The following FBH1 variants were observed in gnomAD, a reference collection of about 807,000 sequenced individuals.
FBH1 encodes DNA 3'-5' helicase 1.
A neutral mutation model predicts 115.5 loss-of-function variants in FBH1; 43 were observed. That is an observed-to-expected ratio of 0.37 (90% CI 0.29 to 0.48). FBH1 has a LOEUF of 0.48. Among genes scored for constraint, FBH1 ranks in the 20% least tolerant of loss-of-function variants. The pLI, the probability that FBH1 is intolerant of heterozygous loss-of-function variation, is 0.99. For synonymous variants in FBH1, 524 were observed against 507.8 expected (o/e 1.03, Z -0.43); for missense variants, 1,001 against 1,337.3 (o/e 0.75, Z 3.92).
rs1197231015 is a variant in FBH1 at position 5,913,877 on chromosome 10, T to C, written c.1304+38T>C. ...GTGCGTCAGCGTGTGTTTTGTCTTCTGTCGACTCTTCCTCATACTTAAGGA... is the reference window on the plus strand; with the variant it reads ...GTGCGTCAGCGTGTGTTTTGTCTTCCGTCGACTCTTCCTCATACTTAAGGA... On this transcript the variant is annotated intron_variant, in intron 7 of 20. Transcript: ENST00000362091. This position sits in a 1 kb window ranked among gnomAD's most constrained non-coding sequence, Gnocchi z 4.4. 6.9e-7 allele frequency: 1 copy of C among 1,459,262 alleles called. No homozygotes were observed. The highest frequency in any genetic ancestry group is 2.3e-5 in the East Asian group (1 of 44,082). The allele number at this position is 1,459,262 out of a possible 1,614,324, so 90.4% of individuals were successfully genotyped here.
Position 5,926,356 on chromosome 10 carries a change from T to G in FBH1, c.2722+864T>G, listed in dbSNP as rs535029956. Among the ~76,000 whole-genome samples, 34 of 152,326 alleles carry G rather than the reference T, an allele frequency of 2.2e-4. No individual in the cohort carries two copies. The East Asian group carries it at 5.8e-3, about 26-fold the overall frequency. On this transcript the variant is annotated intron_variant, in intron 18 of 20. Transcript: ENST00000362091. ...CTCGAACTCCTGACTTCAGGTGATC[T>G]ACCTGCCTTGGCCTCCCAAAGTGCT...
chr10:5,896,688 A>G (rs974480859), intron 1 of FBH1, among the ~76,000 whole-genome samples: 20 of 152,032 alleles, frequency 1.3e-4, no homozygotes, highest in East Asian at 1.9e-4. Context: ...AGAGTTTGCA[A>G]AGCCCCGTAA....
intron 1 of FBH1, among the ~76,000 whole-genome samples, chr10:5,891,746 A>G (rs1564425430): frequency 6.6e-6 from 1 of 152,178 alleles, no homozygotes; most frequent in Non-Finnish European, 1.5e-5. Flanking sequence ...AGTAGCTGGG[A>G]TTACAGGCGT....
At position 5,936,675 on chromosome 10, in the gene FBH1, T is replaced by A; in HGVS notation, c.2961+88T>A. The A allele has an allele frequency of 2.6e-6, 4 of 1,523,254 alleles. No individual in the cohort carries two copies. The highest frequency in any genetic ancestry group is 3.6e-6 in the Non-Finnish European group (4 of 1,107,916). 94.4% of individuals were successfully genotyped at this position (1,523,254 alleles called of 1,614,324 possible). A position where few individuals can be genotyped will look rare whatever the true frequency, so the allele number is the denominator to read the frequency against. ...CTTATCTGGGTTGTAGGTGAGGAGA[T>A]AAGAGAGAGCTGTGTGATCCTTTAT... On this transcript the variant is annotated intron_variant, in intron 20 of 20. Transcript: ENST00000362091. This position sits in a 1 kb window ranked among gnomAD's most constrained non-coding sequence, Gnocchi z 5.6.
chr10:5,937,062 T>G, intron 20 of FBH1, 48 bp from the exon 21 acceptor site: 1 of 1,517,444 alleles, frequency 6.6e-7, no homozygotes, highest in Non-Finnish European at 8.9e-7. Context: ...GGAAAATCCA[T>G]GTTCTTTGGT....
intron 2 of FBH1, 80 bp from the exon 3 acceptor site, chr10:5,905,957 T>A: frequency 1.0e-6 from 1 of 973,292 alleles, no homozygotes; most frequent in South Asian, 1.6e-5. Flanking sequence ...AATTGAAAAT[T>A]AGTGTGTCTT....
In FBH1 at chr10:5,914,130, T is replaced by G. The variant is rs767512825; in HGVS notation, c.1305-48T>G. On this transcript the variant is annotated intron_variant, in intron 7 of 20. Coordinates refer to ENST00000362091, the MANE Select transcript of FBH1 (RefSeq NM_178150.3). The surrounding 1 kb of genome is among the most constrained non-coding windows in gnomAD (Gnocchi z 5.2). Reference sequence around the variant, plus strand: ...TTTTTGGACTGTCTATCCCCTGGACTTTTCACGTCTTTCTGTTTTTCTTAC... The same window carrying G: ...TTTTTGGACTGTCTATCCCCTGGACGTTTCACGTCTTTCTGTTTTTCTTAC... The G allele has an allele frequency of 1.3e-6, 2 of 1,584,764 alleles. No individual in the cohort carries two copies. The highest frequency in any genetic ancestry group is 3.3e-5 in the Admixed American group (2 of 59,958).
In FBH1 at chr10:5,909,617, C is replaced by A; in HGVS notation, c.1020+323C>A. The A allele has an allele frequency of 3.6e-6, 1 of 280,012 alleles. No homozygotes were observed. Among genetic ancestry groups the A allele is most frequent in the East Asian group, 7.0e-5 (1 of 14,298 alleles). The allele number at this position is 280,012 out of a possible 1,614,324, so 17.3% of individuals were successfully genotyped here. On this transcript the variant is annotated intron_variant, in intron 5 of 20. Coordinates refer to ENST00000362091, the MANE Select transcript of FBH1 (RefSeq NM_178150.3). The surrounding 1 kb of genome is among the most constrained non-coding windows in gnomAD (Gnocchi z 4.4). ...TTAATAATAGGATTTCTTTACAAGA[C>A]AGCCCACCCCATTATCAACAAGTTT... is the stretch of plus-strand genomic sequence containing the variant.
At chr10:5,926,951 A>G (rs948962751) in intron 18 of FBH1, among the ~76,000 whole-genome samples, 18 of 152,246 alleles carry the variant, frequency 1.2e-4, no homozygotes, top group Admixed American at 1.2e-3. Flanking sequence ...GTCCTGTGAC[A>G]GTGTCAGGCT....
Position 5,921,713 on chromosome 10 carries a change from G to A in FBH1, c.2322+144G>A. 1 of 1,113,266 alleles carries A rather than the reference G, an allele frequency of 9.0e-7. No individual in the cohort carries two copies. Among genetic ancestry groups the A allele is most frequent in the South Asian group, 1.7e-5 (1 of 58,688 alleles). The allele number at this position is 1,113,266 out of a possible 1,614,324, so 69.0% of individuals were successfully genotyped here. A position where few individuals can be genotyped will look rare whatever the true frequency, so the allele number is the denominator to read the frequency against. Reference sequence around the variant, plus strand: ...CTTTCCACCAGGCTGCACCATGAGTGGTCTCTATCCCAGGCCATTCTGATT... The same window carrying A: ...CTTTCCACCAGGCTGCACCATGAGTAGTCTCTATCCCAGGCCATTCTGATT... On this transcript the variant is annotated intron_variant, in intron 15 of 20. Coordinates refer to ENST00000362091, the MANE Select transcript of FBH1 (RefSeq NM_178150.3). The surrounding 1 kb of genome is among the most constrained non-coding windows in gnomAD (Gnocchi z 6.4).
rs767306318 is a variant in FBH1 at position 5,933,111 on chromosome 10, G to A, written c.2830-3345G>A. Among the ~76,000 whole-genome samples the A allele has an allele frequency of 6.6e-5, 10 of 152,122 alleles. No homozygotes were observed. Among genetic ancestry groups the A allele is most frequent in the South Asian group, 2.1e-4 (1 of 4,828 alleles). On this transcript the variant is annotated intron_variant, in intron 19 of 20. Coordinates refer to ENST00000362091, the MANE Select transcript of FBH1 (RefSeq NM_178150.3). The surrounding 1 kb of genome is among the most constrained non-coding windows in gnomAD (Gnocchi z 4.9). ...GTATGCATAAGAGTGAAATAGGCCC[G>A]GCGCAGTAGCTCACACCTGTAATCC...
In FBH1 at chr10:5,895,328, C is replaced by A; in HGVS notation, c.1+4982C>A. On this transcript the variant is annotated intron_variant, in intron 1 of 20. Coordinates refer to ENST00000362091, the MANE Select transcript of FBH1 (RefSeq NM_178150.3). This position sits in a 1 kb window ranked among gnomAD's most constrained non-coding sequence, Gnocchi z 5.0. ...TCTCCAGTCAGGTACCTTGTACTAGCGAGTCAACTTGATTTTTTTTTGAAA... is the reference window on the plus strand; with the variant it reads ...TCTCCAGTCAGGTACCTTGTACTAGAGAGTCAACTTGATTTTTTTTTGAAA... 6 of 736,066 alleles carry A rather than the reference C, an allele frequency of 8.2e-6. No homozygotes were observed. The highest frequency in any genetic ancestry group is 7.5e-5 in the South Asian group (2 of 26,596). 45.6% of individuals were successfully genotyped at this position (736,066 alleles called of 1,614,324 possible).
chr10:5,903,206 A>C (rs1339437833), intron 2 of FBH1, 31 bp downstream of exon 2: 2 of 1,564,750 alleles, frequency 1.3e-6, no homozygotes, highest in Non-Finnish European at 8.7e-7. Context: ...TTGCATTTCA[A>C]AACCTGTAGT....
At position 5,894,029 on chromosome 10, in the gene FBH1, G is replaced by A. The variant is rs531713868; in HGVS notation, c.1+3683G>A. ...CATCCTTGTTGGCTGTCATACACGA[G>A]TGCTGTCTCCAAGGGAGTCACAGGT... On this transcript the variant is annotated intron_variant, in intron 1 of 20. Coordinates refer to ENST00000362091, the MANE Select transcript of FBH1 (RefSeq NM_178150.3). 71 of 985,410 alleles carry A rather than the reference G, an allele frequency of 7.2e-5. No individual in the cohort carries two copies. The African/African-American group carries it at 1.0e-3, about 15-fold the overall frequency. The allele number at this position is 985,410 out of a possible 1,614,324, so 61.0% of individuals were successfully genotyped here.
At position 5,915,219 on chromosome 10, in the gene FBH1, C is replaced by T. The variant is rs1003921420; in HGVS notation, c.1397-184C>T. ...GCCTGCCCCAGCTGAGATCCCAGCCCACCTTCACCTGGCTTTGAATCTGCT... is the reference window on the plus strand; with the variant it reads ...GCCTGCCCCAGCTGAGATCCCAGCCTACCTTCACCTGGCTTTGAATCTGCT... On this transcript the variant is annotated intron_variant, in intron 8 of 20. Transcript: ENST00000362091. The surrounding 1 kb of genome is among the most constrained non-coding windows in gnomAD (Gnocchi z 5.2). 6.6e-6 allele frequency among the ~76,000 whole-genome samples: 1 copy of T among 152,214 alleles called. No individual in the cohort carries two copies. The highest frequency in any genetic ancestry group is 6.5e-5 in the Admixed American group (1 of 15,282).
Position 5,895,135 on chromosome 10 carries a change from G to T in FBH1, c.1+4789G>T. 1 of 1,614,030 alleles carries T rather than the reference G, an allele frequency of 6.2e-7. No individual in the cohort carries two copies. The highest frequency in any genetic ancestry group is 8.5e-7 in the Non-Finnish European group (1 of 1,179,942). On this transcript the variant is annotated intron_variant, in intron 1 of 20. Coordinates refer to ENST00000362091, the MANE Select transcript of FBH1 (RefSeq NM_178150.3). This position sits in a 1 kb window ranked among gnomAD's most constrained non-coding sequence, Gnocchi z 5.0. ...CAGGGCCCCTGGGCCATCTCCACAG[G>T]AGATGCCAGAGGACGAGTGCCCACT...
intron 1 of FBH1, among the ~76,000 whole-genome samples, 165 bp downstream of exon 1, chr10:5,890,511 G>GA (rs1842642031): frequency 6.6e-6 from 1 of 150,946 alleles, no homozygotes; most frequent in Non-Finnish European, 1.5e-5. Flanking sequence ...GGGCTCGGCC[G>GA]TCCGGGCCGT....
intron 1 of FBH1, among the ~76,000 whole-genome samples, chr10:5,891,703 G>A (rs1393254622): frequency 6.6e-6 from 1 of 152,120 alleles, no homozygotes; most frequent in Non-Finnish European, 1.5e-5. Flanking sequence ...TCCCCCTCCC[G>A]GGTTCAAGCA....
rs2274025 is a variant in FBH1, at chr10:5,914,071, G to C, written c.1305-107G>C. 8.2e-4 allele frequency: 894 copies of C among 1,086,666 alleles called. 18 individuals carry two copies. The East Asian group carries it at 0.015, about 19-fold the overall frequency. The allele number at this position is 1,086,666 out of a possible 1,614,324, so 67.3% of individuals were successfully genotyped here. ...TCTCGTAAGGGGAGGCCTTTTTTTT[G>C]GTCAGCTTTTGTTTATCCAGTTTGT... On this transcript the variant is annotated intron_variant, in intron 7 of 20. Transcript: ENST00000362091. The surrounding 1 kb of genome is among the most constrained non-coding windows in gnomAD (Gnocchi z 5.2).
Sources: gnomAD v4.1 joint callset for allele counts (sites outside exome capture counted in the v4.1 genomes callset) on GRCh38, gnomAD v4.1.1 for gene constraint, Gnocchi (gnomAD v3.1) non-coding constraint, MANE v1.5 for transcripts, NCBI Gene and HGNC (gene_info 2026-07-23, HGNC 2026-07-21) for gene names.